ADAMTSL2: variants seen among roughly 807,000 people sequenced by gnomAD.
The protein encoded by ADAMTSL2 is ADAMTS-like protein 2.
ADAMTSL2 carries 55 observed loss-of-function variants against 117.0 expected under a neutral mutation model. That is an observed-to-expected ratio of 0.47 (90% CI 0.38 to 0.59). The LOEUF (loss-of-function observed/expected upper bound fraction) is 0.59. Among genes scored for constraint, ADAMTSL2 ranks in the 20% least tolerant of loss-of-function variants. The pLI, the probability that ADAMTSL2 is intolerant of heterozygous loss-of-function variation, is 0.00. For synonymous variants in ADAMTSL2, 572 were observed against 566.4 expected (o/e 1.01, Z -0.14); for missense variants, 1,182 against 1,354.5 (o/e 0.87, Z 2.00).
chr9:133,566,026 C>T (rs1297353111), intron 12 of ADAMTSL2, among the ~76,000 whole-genome samples: 1 of 152,140 alleles, frequency 6.6e-6, no homozygotes, highest in African/African-American at 2.4e-5. Context: ...ACGAAAGAAG[C>T]AGAAGGTGGA....
chr9:133,572,256 A>C (rs191637055), intron 17 of ADAMTSL2, among the ~76,000 whole-genome samples: 10,740 of 143,128 alleles, frequency 0.075, 523 homozygotes, highest in Non-Finnish European at 0.12. Flanking sequence ...ACACACACTC[A>C]CTCATTCCCT....
At chr9:133,565,339 A>C (rs2131173294) in intron 12 of ADAMTSL2, among the ~76,000 whole-genome samples, 1 of 152,280 alleles carries the variant, frequency 6.6e-6, no homozygotes, top group Non-Finnish European at 1.5e-5. Flanking sequence ...CCAGGGAGGC[A>C]CTGAGCTGGG....
At chr9:133,542,085 A>G (rs1830237743) in intron 7 of ADAMTSL2, among the ~76,000 whole-genome samples, 1 of 152,182 alleles carries the variant, frequency 6.6e-6, no homozygotes, top group Admixed American at 6.5e-5. Context: ...TGTTAGGGCC[A>G]CGGAGGACCC....
Position 133,536,585 on chromosome 9 carries a change from A to G in ADAMTSL2, c.-128A>G, listed in dbSNP as rs1280385416. The G allele has an allele frequency of 1.9e-6, 3 of 1,602,996 alleles. No individual in the cohort carries two copies. In the African/African-American group the frequency reaches 4.0e-5, roughly 21 times the overall value. The stretch of plus-strand genomic sequence containing the variant: ...CAGGGTCTGCCAGACAACCACGACC[A>G]ACTAGTCCCAGATAACCTTGAGGCC... On this transcript the variant is annotated 5_prime_UTR_variant, in exon 2 of 19. Coordinates refer to ENST00000651351, the MANE Select transcript of ADAMTSL2 (RefSeq NM_014694.4).
chr9:133,551,812 C>CTTTTTTTTTTTTTTTT (rs56225051), intron 9 of ADAMTSL2, among the ~76,000 whole-genome samples: 1 of 111,064 alleles, frequency 9.0e-6, no homozygotes, highest in African/African-American at 3.8e-5. Flanking sequence ...AAAGCAGCAG[C>CTTTTTTTTTTTTTTTT]TTTTTTTTTT....
intron 12 of ADAMTSL2, among the ~76,000 whole-genome samples, chr9:133,561,728 C>T (rs1353041070): frequency 1.3e-5 from 2 of 152,206 alleles, no homozygotes; most frequent in African/African-American, 2.4e-5. Context: ...TCTAGGACCT[C>T]ATCAGCAGGG....
chr9:133,574,162 C>G (rs1014411199), intron 18 of ADAMTSL2, among the ~76,000 whole-genome samples, 175 bp downstream of exon 18: 1 of 152,132 alleles, frequency 6.6e-6, no homozygotes, highest in African/African-American at 2.4e-5. Flanking sequence ...CCGAGCCCCA[C>G]TGGGAGGGGA....
rs1297179937 is a variant in ADAMTSL2 at position 133,568,682 on chromosome 9, A to C, written c.2168A>C (p.Asn723Thr). The C allele has an allele frequency of 6.2e-7, 1 of 1,613,338 alleles. No homozygotes were observed. The highest frequency in any genetic ancestry group is 1.3e-5 in the African/African-American group (1 of 74,898). ...GAGGATGAGAAGCTGTGTGACCCCA[A>C]CACCAGGCCTGTAGGGGAGAAGAAC... ...CSEDEKLCDP[N>T]TRPVGEKNCT... Residue 723 changes from asparagine to threonine, a missense_variant, in exon 15 of 19, where the codon AAC becomes ACC. This residue lies in a region of ADAMTSL2 where 465 missense variants were observed against 565.3 expected (regional missense o/e 0.82). Coordinates refer to ENST00000651351, the MANE Select transcript of ADAMTSL2 (RefSeq NM_014694.4).
At chr9:133,539,654 C>T (rs372530629) in intron 4 of ADAMTSL2, 117 bp from the exon 5 acceptor site, 12 of 833,708 alleles carry the variant, frequency 1.4e-5, no homozygotes, top group African/African-American at 7.5e-5. Context: ...GGCCCCCGCA[C>T]GGCTGTCCCG....
chr9:133,569,459 A>G lies in ADAMTSL2; in HGVS notation c.2296A>G (p.Thr766Ala). ...CACCATCAGGCACGTGTACTGCAAG[A>G]CCAGCGACGGACGGGTAGTACCTGA... ...GRTIRHVYCKTSDGRVVPESQ... is the reference protein window; with the variant it reads ...GRTIRHVYCKASDGRVVPESQ... Residue 766 changes from threonine (T) to alanine (A), a missense_variant, in exon 16 of 19, where the codon ACC (threonine) becomes GCC (alanine). This residue lies in a region of ADAMTSL2 where 465 missense variants were observed against 565.3 expected (regional missense o/e 0.82). Transcript: ENST00000651351. 1.2e-6 allele frequency: 2 copies of G among 1,613,634 alleles called. No homozygotes were observed. Among genetic ancestry groups the G allele is most frequent in the East Asian group, 2.2e-5 (1 of 44,866 alleles).
At chr9:133,572,722 G>T (rs1831138165) in intron 17 of ADAMTSL2, among the ~76,000 whole-genome samples, 1 of 152,330 alleles carries the variant, frequency 6.6e-6, no homozygotes, top group Admixed American at 6.5e-5. Context: ...GGCAGGGCCA[G>T]ACGAGGTGCA....
intron 12 of ADAMTSL2, among the ~76,000 whole-genome samples, chr9:133,564,597 G>GGAGAGAGAGGGAGA (rs1449996082): frequency 3.8e-5 from 1 of 26,162 alleles, no homozygotes; most frequent in East Asian, 1.1e-3. Flanking sequence ...AGAGAGAGGG[G>GGAGAGAGAGGGAGA]GAGAGAGAGG....
At chr9:133,562,344 C>T (rs1197873151) in intron 12 of ADAMTSL2, among the ~76,000 whole-genome samples, 2 of 152,276 alleles carry the variant, frequency 1.3e-5, no homozygotes, top group Non-Finnish European at 2.9e-5. Flanking sequence ...CAAGAGCCCC[C>T]AAACAGGGCA....
chr9:133,555,393 G>A (rs1009582981), intron 10 of ADAMTSL2, among the ~76,000 whole-genome samples, 165 bp from the exon 11 acceptor site: 143 of 152,232 alleles, frequency 9.4e-4, no homozygotes, highest in Non-Finnish European at 3.2e-4. Context: ...TCATGCCTCC[G>A]TTTTGCCCGA....
At chr9:133,568,827 G>A in intron 15 of ADAMTSL2, 69 bp downstream of exon 15, 5 of 1,602,230 alleles carry the variant, frequency 3.1e-6, no homozygotes, top group Non-Finnish European at 4.3e-6. Context: ...GCCTTGATGT[G>A]CCTCAGTTTC....
intron 17 of ADAMTSL2, among the ~76,000 whole-genome samples, chr9:133,572,321 G>C (rs112074690): frequency 0.12 from 18,937 of 152,232 alleles, 1,392 homozygotes; most frequent in Non-Finnish European, 0.15. Flanking sequence ...GGTGGGCCTG[G>C]GGCTTCCCAG....
At chr9:133,571,998 G>A (rs962440081) in intron 17 of ADAMTSL2, among the ~76,000 whole-genome samples, 11 of 152,166 alleles carry the variant, frequency 7.2e-5, no homozygotes, top group Non-Finnish European at 1.0e-4. Context: ...TGTGGCGGGT[G>A]GATGCAAGAT....
Position 133,558,890 on chromosome 9 carries a change from A to G in ADAMTSL2, c.1650-2308A>G, listed in dbSNP as rs952159495. ...ATGCAGGGTTATGTTCAAGAGTTGC[A>G]TCTGCTATGCCCCACACGTGCTGCT... is the stretch of plus-strand genomic sequence containing the variant. On this transcript the variant is annotated intron_variant, in intron 11 of 18. Transcript: ENST00000651351. This position sits in a 1 kb window ranked among gnomAD's most constrained non-coding sequence, Gnocchi z 4.3. 4.6e-5 allele frequency among the ~76,000 whole-genome samples: 7 copies of G among 152,224 alleles called. No individual in the cohort carries two copies. The highest frequency in any genetic ancestry group is 8.8e-5 in the Non-Finnish European group (6 of 68,036).
At chr9:133,547,249 C>T (rs759912686) in intron 9 of ADAMTSL2, 36 bp downstream of exon 9, 3 of 1,593,078 alleles carry the variant, frequency 1.9e-6, no homozygotes, top group African/African-American at 2.7e-5. Flanking sequence ...CCCCAGGGGC[C>T]CTGGGCACTG....
Sources: gnomAD v4.1 joint callset for allele counts (sites outside exome capture counted in the v4.1 genomes callset) on GRCh38, gnomAD v4.1.1 for gene constraint, gnomAD v4.1.1 regional missense constraint, Gnocchi (gnomAD v3.1) non-coding constraint, MANE v1.5 for transcripts, NCBI Gene and HGNC (gene_info 2026-07-23, HGNC 2026-07-21) for gene names.